Variants in PDPK1 observed in about 807,000 individuals in gnomAD.
PDPK1 encodes the protein 3-phosphoinositide dependent protein kinase 1.
Under a neutral mutation model 39.8 loss-of-function variants are expected in PDPK1, and 7 were observed. That is an observed-to-expected ratio of 0.18 (90% confidence interval 0.10 to 0.33). PDPK1 has a LOEUF of 0.33. PDPK1 is among the 10% of genes least tolerant of loss of function. The pLI is 1.00. For missense variants in PDPK1, 182 were observed against 384.7 expected (o/e 0.47, Z 4.41); for synonymous variants, 118 against 159.1 (o/e 0.74, Z 1.95).
rs2067125794 is a variant in PDPK1 at position 2,597,418 on chromosome 16, A to G, written c.1554+143A>G. 2 of 799,034 alleles carry G rather than the reference A, an allele frequency of 2.5e-6. No homozygotes were observed. Among genetic ancestry groups the G allele is most frequent in the Non-Finnish European group, 4.1e-6 (2 of 487,560 alleles). The allele number at this position is 799,034 out of a possible 1,614,324, so 49.5% of individuals were successfully genotyped here. ...CCTTTCCGACATCCCAGACGCCCAC[A>G]CTAGTGGCTCAGTCCTGAGGGGGCA... is the stretch of plus-strand genomic sequence containing the variant. On this transcript the variant is annotated intron_variant, in intron 13 of 13. Transcript: ENST00000342085. This position sits in a 1 kb window ranked among gnomAD's most constrained non-coding sequence, Gnocchi z 6.3.
chr16:2,589,915 G>T (rs1404038059), intron 11 of PDPK1, among the ~76,000 whole-genome samples: 2 of 152,184 alleles, frequency 1.3e-5, no homozygotes, highest in East Asian at 3.9e-4. Flanking sequence ...AAAGCCTCCG[G>T]CTGCAGCACA....
chr16:2,579,287 T>C (rs1433516503), intron 7 of PDPK1: 1 of 56,952 alleles, frequency 1.8e-5, no homozygotes, highest in African/African-American at 8.3e-5. Flanking sequence ...AGGTGGGGGG[T>C]GGGCGGGGGG....
chr16:2,543,954 C>T (rs1391121797), intron 1 of PDPK1, among the ~76,000 whole-genome samples: 72 of 146,052 alleles, frequency 4.9e-4, no homozygotes, highest in Admixed American at 2.3e-3. Context: ...AGGCTGGTCT[C>T]GAGCTCCTGA....
intron 1 of PDPK1, among the ~76,000 whole-genome samples, chr16:2,552,849 ATT>A (rs1474475461): frequency 1.6e-5 from 2 of 128,970 alleles, no homozygotes; most frequent in African/African-American, 7.0e-5. Flanking sequence ...GAGTGGGGAG[ATT>A]GATTGATTGC....
chr16:2,552,327 A>G (rs1298104118), intron 1 of PDPK1, among the ~76,000 whole-genome samples: 5 of 150,962 alleles, frequency 3.3e-5, no homozygotes, highest in Non-Finnish European at 7.4e-5. Context: ...GACAAGTTAA[A>G]GAAATTGAAA....
At chr16:2,586,547 C>G in intron 10 of PDPK1, 129 bp from the exon 11 acceptor site, 1 of 725,062 alleles carries the variant, frequency 1.4e-6, no homozygotes, top group Non-Finnish European at 2.3e-6. Context: ...GGGCTGCCCA[C>G]CCTGTCGCCT....
chr16:2,601,139 G>A lies in PDPK1; in HGVS notation c.*3372G>A, dbSNP rs1239975396. 1 of 232,832 alleles carries A rather than the reference G, an allele frequency of 4.3e-6. No individual in the cohort carries two copies. The highest frequency in any genetic ancestry group is 8.5e-6 in the Non-Finnish European group (1 of 117,894). 14.4% of individuals were successfully genotyped at this position (232,832 alleles called of 1,614,324 possible). ...TTTTCCCCCTTAGATGCCTGGAAGT[G>A]GTATTTTGAGGTGAAAGAGTTTGTT... On this transcript the variant is annotated 3_prime_UTR_variant, in exon 14 of 14. Coordinates refer to ENST00000342085, the MANE Select transcript of PDPK1 (RefSeq NM_002613.5).
chr16:2,596,043 T>TAACAATG (rs2142008475), intron 12 of PDPK1, among the ~76,000 whole-genome samples, 193 bp downstream of exon 12: 1 of 152,346 alleles, frequency 6.6e-6, no homozygotes, highest in African/African-American at 2.4e-5. Flanking sequence ...GCGTAGGCGG[T>TAACAATG]TAGGGCAGTG....
intron 1 of PDPK1, chr16:2,539,099 G>A (rs1452971020): frequency 1.0e-5 from 1 of 97,308 alleles, no homozygotes; most frequent in Non-Finnish European, 1.8e-5. Context: ...TTTTTTTTTT[G>A]ATGGAGTCTC....
At chr16:2,587,765 G>A (rs1057000754) in intron 11 of PDPK1, among the ~76,000 whole-genome samples, 1 of 152,186 alleles carries the variant, frequency 6.6e-6, no homozygotes. Context: ...CCACGTGTAT[G>A]GAGACTATTC....
intron 11 of PDPK1, among the ~76,000 whole-genome samples, chr16:2,588,209 C>CAACA (rs763391357): frequency 5.9e-5 from 9 of 152,174 alleles, no homozygotes; most frequent in Non-Finnish European, 1.3e-4. Flanking sequence ...TGGCAGGCAG[C>CAACA]AACAGTCTAC....
chr16:2,538,214 G>C lies in PDPK1; in HGVS notation c.24+78G>C, dbSNP rs1321204773. The C allele has an allele frequency of 6.6e-6, 5 of 753,912 alleles. No homozygotes were observed. The African/African-American group carries it at 9.6e-5, about 14-fold the overall frequency. The allele number at this position is 753,912 out of a possible 1,614,324, so 46.7% of individuals were successfully genotyped here. ...GGCGGCCGCCCGGGTCCGGCGAGGC[G>C]GGGCGGCCCGGGGTCCCGAGGGCCG... On this transcript the variant is annotated intron_variant, in intron 1 of 13. Coordinates refer to ENST00000342085, the MANE Select transcript of PDPK1 (RefSeq NM_002613.5).
intron 10 of PDPK1, among the ~76,000 whole-genome samples, 170 bp from the exon 11 acceptor site, chr16:2,586,506 C>T (rs1389720343): frequency 2.6e-5 from 4 of 152,274 alleles, no homozygotes; most frequent in Non-Finnish European, 4.4e-5. Context: ...GGCCTCGGTT[C>T]TGTGGCCAGG....
chr16:2,542,908 A>G (rs970803241), intron 1 of PDPK1, among the ~76,000 whole-genome samples: 14 of 150,040 alleles, frequency 9.3e-5, no homozygotes, highest in African/African-American at 2.9e-4. Flanking sequence ...GTGTCTCAGC[A>G]GGATGCCAGT....
At chr16:2,544,589 A>G (rs111689237) in intron 1 of PDPK1, among the ~76,000 whole-genome samples, 2,916 of 151,906 alleles carry the variant, frequency 0.019, 96 homozygotes, top group African/African-American at 0.066. Context: ...ACCTCCCCCA[A>G]ATTTTTTTTT....
chr16:2,545,622 G>C (rs1407105608), intron 1 of PDPK1, among the ~76,000 whole-genome samples: 1 of 151,954 alleles, frequency 6.6e-6, no homozygotes, highest in Non-Finnish European at 1.5e-5. Flanking sequence ...AGCTTCATGA[G>C]TAGCTAGGAT....
chr16:2,601,362 C>A lies in PDPK1; in HGVS notation c.*3595C>A, dbSNP rs559677768. The A allele has an allele frequency of 9.4e-5, 22 of 234,480 alleles. No individual in the cohort carries two copies. Among genetic ancestry groups the A allele is most frequent in the Non-Finnish European group, 5.9e-5 (7 of 117,954 alleles). The allele number at this position is 234,480 out of a possible 1,614,324, so 14.5% of individuals were successfully genotyped here. On this transcript the variant is annotated 3_prime_UTR_variant, in exon 14 of 14. Transcript: ENST00000342085. ...GTCACTACTGCAATCCATCTGTGGC[C>A]GATTTTTTCCAAGAGCCAATTTCCT...
At chr16:2,551,810 C>G (rs111391454) in intron 1 of PDPK1, among the ~76,000 whole-genome samples, 4,220 of 151,148 alleles carry the variant, frequency 0.028, 224 homozygotes, top group African/African-American at 0.094. Context: ...GGGATTATAG[C>G]TGCACACCAC....
At chr16:2,588,500 G>C (rs904651439) in intron 11 of PDPK1, among the ~76,000 whole-genome samples, 1 of 152,152 alleles carries the variant, frequency 6.6e-6, no homozygotes, top group South Asian at 2.1e-4. Flanking sequence ...GTGTGTTTCA[G>C]CTCCTTTGGT....
Sources: allele counts gnomAD v4.1 joint callset (sites outside exome capture counted in the v4.1 genomes callset), GRCh38; gene constraint gnomAD v4.1.1; non-coding constraint Gnocchi (gnomAD v3.1); transcripts MANE v1.5; gene names NCBI Gene and HGNC (gene_info 2026-07-23, HGNC 2026-07-21).